The following KAZN variants were observed in gnomAD, a reference collection of about 807,000 sequenced individuals.
KAZN encodes the protein kazrin.
Under a neutral mutation model 87.4 loss-of-function variants are expected in KAZN, and 40 were observed. The ratio of observed to expected loss-of-function variants is 0.46; its 90% CI spans 0.36 to 0.60. KAZN has a LOEUF of 0.60. Among genes scored for constraint, KAZN ranks in the 20% least tolerant of loss-of-function variants. The pLI, the probability that KAZN is intolerant of heterozygous loss-of-function variation, is 0.00. For synonymous variants in KAZN, 466 were observed against 458.3 expected (o/e 1.02, Z -0.22); for missense variants, 898 against 1,073.9 (o/e 0.84, Z 2.29).
intron 1 of KAZN, among the ~76,000 whole-genome samples, chr1:14,098,619 A>G (rs1644181301): frequency 1.3e-5 from 2 of 152,178 alleles, no homozygotes; most frequent in South Asian, 4.2e-4. Flanking sequence ...CTCTGCCCAG[A>G]CTGCATTACC....
chr1:14,591,682 C>G lies in KAZN; in HGVS notation c.250-7301C>G, dbSNP rs192434915. Among the ~76,000 whole-genome samples the G allele has an allele frequency of 1.4e-4, 21 of 152,280 alleles. No individual in the cohort carries two copies. In the East Asian group the frequency reaches 2.5e-3, roughly 18 times the overall value. On this transcript the variant is annotated intron_variant, in intron 2 of 16. Coordinates refer to the KAZN transcript ENST00000636203. ...AAATATATACACAGAAGGGATGCGC[C>G]TGACCGACTTTCCCAGCTTTAGATG...
At chr1:14,185,800 T>C (rs1435231995) in intron 2 of KAZN, among the ~76,000 whole-genome samples, 4 of 152,196 alleles carry the variant, frequency 2.6e-5, no homozygotes, top group Admixed American at 2.0e-4. Flanking sequence ...AATACTCTTG[T>C]TCTGTTAAGC....
At chr1:14,939,420 C>A (rs756884844) in intron 1 of KAZN, among the ~76,000 whole-genome samples, 9 of 152,094 alleles carry the variant, frequency 5.9e-5, no homozygotes, top group Non-Finnish European at 1.3e-4. Context: ...CAGGCACACA[C>A]CACCATGCCT....
intron 1 of KAZN, among the ~76,000 whole-genome samples, chr1:14,073,889 A>G (rs972174806): frequency 6.6e-6 from 1 of 152,174 alleles, no homozygotes; most frequent in African/African-American, 2.4e-5. Context: ...TAGTGGAATG[A>G]TTTAAAATCC....
chr1:14,840,899 G>T (rs997145575), intron 1 of KAZN, among the ~76,000 whole-genome samples: 1 of 152,144 alleles, frequency 6.6e-6, no homozygotes, highest in Non-Finnish European at 1.5e-5. Context: ...GATACCAAAG[G>T]CCATAATCAC....
At chr1:15,020,732 C>T (rs1327293203) in intron 2 of KAZN, among the ~76,000 whole-genome samples, 1 of 152,160 alleles carries the variant, frequency 6.6e-6, no homozygotes, top group African/African-American at 2.4e-5. Flanking sequence ...CCGCTGTGAA[C>T]TTTTTCGTGC....
At chr1:14,761,971 C>T (rs1644752760) in intron 1 of KAZN, among the ~76,000 whole-genome samples, 1 of 150,474 alleles carries the variant, frequency 6.6e-6, no homozygotes, top group Non-Finnish European at 1.5e-5. Flanking sequence ...ACAGATGCAT[C>T]CTGTGTGTGA....
At chr1:13,931,447 GGTGT>G (rs61432989) in intron 1 of KAZN, among the ~76,000 whole-genome samples, 5 of 149,738 alleles carry the variant, frequency 3.3e-5, no homozygotes, top group Admixed American at 6.7e-5. Flanking sequence ...CAGCCAGAGG[GGTGT>G]GTGTGTGTGT....
intron 1 of KAZN, among the ~76,000 whole-genome samples, chr1:14,136,508 G>T (rs1001378833): frequency 2.0e-5 from 3 of 152,164 alleles, no homozygotes; most frequent in African/African-American, 7.2e-5. Context: ...TGAAATACAG[G>T]ACATCAGTGG....
At chr1:14,993,985 C>T (rs545502888) in intron 2 of KAZN, among the ~76,000 whole-genome samples, 52 of 152,260 alleles carry the variant, frequency 3.4e-4, no homozygotes, top group African/African-American at 1.2e-3. Flanking sequence ...TGGTTTAATG[C>T]GTCCTCCCAG....
At chr1:14,315,530 C>T (rs1655594531) in intron 2 of KAZN, among the ~76,000 whole-genome samples, 1 of 152,004 alleles carries the variant, frequency 6.6e-6, no homozygotes, top group Non-Finnish European at 1.5e-5. Flanking sequence ...AAAATATTTC[C>T]TCATGCCCTT....
chr1:14,285,104 C>T (rs1247605154), intron 2 of KAZN, among the ~76,000 whole-genome samples: 1 of 152,162 alleles, frequency 6.6e-6, no homozygotes, highest in African/African-American at 2.4e-5. Flanking sequence ...CCACTGATTA[C>T]CTGTGACCTG....
At chr1:14,308,559 T>C (rs190692557) in intron 2 of KAZN, among the ~76,000 whole-genome samples, 41 of 152,322 alleles carry the variant, frequency 2.7e-4, no homozygotes, top group Admixed American at 1.1e-3. Flanking sequence ...CAAAATGTTA[T>C]AGAGTAGCAG....
intron 2 of KAZN, among the ~76,000 whole-genome samples, chr1:14,181,760 GA>G (rs1465981657): frequency 3.3e-5 from 5 of 152,038 alleles, no homozygotes; most frequent in African/African-American, 1.2e-4. Context: ...TTGAAACTCA[GA>G]AAAAAGGGAA....
chr1:14,466,660 T>TAAA (rs566876952), intron 2 of KAZN, among the ~76,000 whole-genome samples: 2 of 130,376 alleles, frequency 1.5e-5, no homozygotes, highest in Non-Finnish European at 3.5e-5. Flanking sequence ...AAACTAAATT[T>TAAA]AAAAAAAAAA....
chr1:14,508,062 C>T, intron 2 of KAZN, among the ~76,000 whole-genome samples: 1 of 152,192 alleles, frequency 6.6e-6, no homozygotes. Flanking sequence ...CTTGTGACCC[C>T]CCAGTACCCT....
At chr1:14,099,289 A>G (rs1570734710) in intron 1 of KAZN, among the ~76,000 whole-genome samples, 1 of 152,112 alleles carries the variant, frequency 6.6e-6, no homozygotes, top group African/African-American at 2.4e-5. Context: ...TCAGAGATCA[A>G]TCTTCCCTCC....
chr1:14,041,472 T>C (rs180847269), intron 1 of KAZN, among the ~76,000 whole-genome samples: 3 of 152,346 alleles, frequency 2.0e-5, no homozygotes, highest in East Asian at 1.9e-4. Context: ...AATAGCTGTA[T>C]AGAATGCTCC....
chr1:14,097,327 C>G (rs1644150866), intron 1 of KAZN, among the ~76,000 whole-genome samples: 1 of 152,190 alleles, frequency 6.6e-6, no homozygotes, highest in South Asian at 2.1e-4. Context: ...ACACTGGCCT[C>G]ATGCTCCCTG....
Sources: gnomAD v4.1 joint callset for allele counts (sites outside exome capture counted in the v4.1 genomes callset) on GRCh38, gnomAD v4.1.1 for gene constraint, MANE v1.5 for transcripts, NCBI Gene and HGNC (gene_info 2026-07-23, HGNC 2026-07-21) for gene names.